P2RX5: variants seen among roughly 807,000 people sequenced by gnomAD.
The protein encoded by P2RX5 is purinergic receptor P2X 5.
Under a neutral mutation model 54.1 loss-of-function variants are expected in P2RX5, and 46 were observed. The observed-to-expected ratio is 0.85, with a 90% CI of 0.67 to 1.09. The LOEUF is 1.09. Ranked by LOEUF, P2RX5 falls within the 50% of genes least tolerant of loss-of-function variation. The probability of loss-of-function intolerance (pLI) is 0.00; values close to 1 mark genes in which losing one functional copy is unlikely to be tolerated. For missense variants in P2RX5, 566 were observed against 549.8 expected, an observed-to-expected ratio of 1.03 and a Z score of -0.29; for synonymous variants, 226 against 226.4, an observed-to-expected ratio of 1.00 and a Z score of 0.02.
In P2RX5 at chr17:3,690,128, C is replaced by T. The variant is rs147009070; in HGVS notation, c.556G>A (p.Glu186Lys). ...TTCTTTATGAAAATGGTGAAGTCTT[C>T]GGCCTCCTTCAGGAATGGCTCCCTG... Reference protein sequence around the residue: ...RPEEPFLKEAEDFTIFIKNHI... With the variant: ...RPEEPFLKEAKDFTIFIKNHI... Residue 186 changes from glutamate to lysine, a missense_variant, in exon 6 of 12, where the codon GAA (glutamate) becomes AAA (lysine). Physicochemically the swap from Glu to Lys is moderately conservative, Grantham distance 56. Coordinates refer to ENST00000225328, the MANE Select transcript of P2RX5 (RefSeq NM_002561.4). The T allele has an allele frequency of 6.6e-4, 1,071 of 1,614,168 alleles. 1 individual carries two copies. Among genetic ancestry groups the T allele is most frequent in the Non-Finnish European group, 8.3e-4 (978 of 1,179,994 alleles).
chr17:3,680,576 C>T (rs2050237979), intron 10 of P2RX5, among the ~76,000 whole-genome samples: 1 of 142,920 alleles, frequency 7.0e-6, no homozygotes, highest in Non-Finnish European at 1.5e-5. Context: ...CTTCCTCCAC[C>T]CGGCTTCCTC....
At position 3,691,715 on chromosome 17, in the gene P2RX5, C is replaced by A; in HGVS notation, c.217G>T (p.Val73Leu). 4 of 1,614,216 alleles carry A rather than the reference C, an allele frequency of 2.5e-6. No homozygotes were observed. Among genetic ancestry groups the A allele is most frequent in the Non-Finnish European group, 3.4e-6 (4 of 1,180,036 alleles). The change falls in exon 2 of 12, where the codon GTG becomes TTG. Residue 73 changes from valine (V) to leucine (L), a missense_variant. Coordinates refer to ENST00000225328, the MANE Select transcript of P2RX5 (RefSeq NM_002561.4). ...AGATCCGAGGTGTTGGTGAAGGCCA[C>A]GCCCTTGACTTTGGTGATGACAGCA... Reference protein sequence around the residue: ...QSAVITKVKGVAFTNTSDLGQ... With the variant: ...QSAVITKVKGLAFTNTSDLGQ...
the P2RX5 span, among the ~76,000 whole-genome samples, chr17:3,715,808 G>T: frequency 6.6e-6 from 1 of 152,130 alleles, no homozygotes; most frequent in African/African-American, 2.4e-5. Flanking sequence ...GCTGCAGTGA[G>T]CCCTTAACTG....
chr17:3,714,627 C>T, the P2RX5 span: 23,266 of 429,738 alleles, frequency 0.054, 4,653 homozygotes, highest in African/African-American at 0.43. Flanking sequence ...AAAGGCACTA[C>T]TGCAAAGAAA....
chr17:3,711,315 A>C, the P2RX5 span, among the ~76,000 whole-genome samples: 1 of 147,258 alleles, frequency 6.8e-6, no homozygotes, highest in African/African-American at 2.6e-5. Flanking sequence ...CGTTATTTAG[A>C]CCTCATTCAA....
upstream of P2RX5, among the ~76,000 whole-genome samples, chr17:3,697,213 G>A (rs2050777174): frequency 6.6e-6 from 1 of 152,164 alleles, no homozygotes; most frequent in South Asian, 2.1e-4. Context: ...AATATGCCTG[G>A]AGAGTGCGCA....
the P2RX5 span, among the ~76,000 whole-genome samples, chr17:3,715,188 C>T: frequency 6.6e-6 from 1 of 152,172 alleles, no homozygotes; most frequent in Non-Finnish European, 1.5e-5. Flanking sequence ...GCAGCTGAAC[C>T]TTTTTAACTT....
At chr17:3,685,331 A>T (rs1221822627) in intron 9 of P2RX5, among the ~76,000 whole-genome samples, 1 of 152,146 alleles carries the variant, frequency 6.6e-6, no homozygotes, top group African/African-American at 2.4e-5. Flanking sequence ...CTGCTACCTG[A>T]GGACAGCTGG....
At chr17:3,708,654 C>G in the P2RX5 span, among the ~76,000 whole-genome samples, 1 of 152,098 alleles carries the variant, frequency 6.6e-6, no homozygotes, top group Non-Finnish European at 1.5e-5. Context: ...CACTGCAGAG[C>G]AATTACAAAA....
chr17:3,710,783 T>G, the P2RX5 span, among the ~76,000 whole-genome samples: 1 of 151,764 alleles, frequency 6.6e-6, no homozygotes, highest in South Asian at 2.1e-4. Flanking sequence ...CAAAAGTTAG[T>G]TGGGCGTGGC....
intron 6 of P2RX5, among the ~76,000 whole-genome samples, 173 bp downstream of exon 6, chr17:3,689,897 C>G (rs553747280): frequency 3.3e-5 from 5 of 152,032 alleles, no homozygotes; most frequent in Non-Finnish European, 7.4e-5. Context: ...CACAAACGCA[C>G]GCACACATGC....
At chr17:3,695,794 C>G in intron 1 of P2RX5, 75 bp downstream of exon 1, 1 of 1,574,154 alleles carries the variant, frequency 6.4e-7, no homozygotes, top group Non-Finnish European at 8.7e-7. Flanking sequence ...AATTCCAGGA[C>G]CCTGGAGAAG....
chr17:3,699,096 T>TATATATA (rs1450236766), upstream of P2RX5, among the ~76,000 whole-genome samples: 23 of 16,364 alleles, frequency 1.4e-3, no homozygotes, highest in Admixed American at 0.028. Context: ...CACACACACC[T>TATATATA]ATATATATAA....
At chr17:3,705,782 T>C in the P2RX5 span, among the ~76,000 whole-genome samples, 1 of 152,220 alleles carries the variant, frequency 6.6e-6, no homozygotes, top group South Asian at 2.1e-4. Context: ...TTTTTGTGTG[T>C]ATATTAATAG....
the P2RX5 span, among the ~76,000 whole-genome samples, chr17:3,712,028 C>T: frequency 6.6e-6 from 1 of 152,072 alleles, no homozygotes; most frequent in Non-Finnish European, 1.5e-5. Flanking sequence ...TTCCCAGTGA[C>T]GATGGAAGTG....
In P2RX5 at chr17:3,676,666, C is replaced by T. The variant is rs924442048; in HGVS notation, c.1260-2789G>A. 3.3e-5 allele frequency: 30 copies of T among 908,908 alleles called. No individual in the cohort carries two copies. The African/African-American group carries it at 5.3e-4, about 16-fold the overall frequency. 56.3% of individuals were successfully genotyped at this position (908,908 alleles called of 1,614,324 possible). ...CTTAAATGTCACTGTGCACACAGAT[C>T]ACCTTGGAATCTTGTTGAAACACAG... On this transcript the variant is annotated intron_variant, in intron 11 of 11. Coordinates refer to ENST00000225328, the MANE Select transcript of P2RX5 (RefSeq NM_002561.4).
intron 11 of P2RX5, among the ~76,000 whole-genome samples, chr17:3,678,330 GC>G (rs1333462743): frequency 8.5e-5 from 13 of 152,266 alleles, no homozygotes; most frequent in African/African-American, 3.1e-4. Flanking sequence ...CTCTGGAGTT[GC>G]CCCGGCAAGG....
the P2RX5 span, among the ~76,000 whole-genome samples, chr17:3,701,757 T>TG: frequency 9.4e-3 from 1,112 of 118,386 alleles, 14 homozygotes; most frequent in South Asian, 0.024. Flanking sequence ...TTTTTTTTTT[T>TG]TTTGTTTTTT....
chr17:3,690,372 A>G, intron 5 of P2RX5, 55 bp downstream of exon 5: 3 of 1,387,108 alleles, frequency 2.2e-6, no homozygotes, highest in Non-Finnish European at 3.0e-6. Flanking sequence ...TCAGGCTGGG[A>G]CCCACCGCAC....
Sources: gnomAD v4.1 joint callset for allele counts (sites outside exome capture counted in the v4.1 genomes callset) on GRCh38, gnomAD v4.1.1 for gene constraint, MANE v1.5 for transcripts, NCBI Gene and HGNC (gene_info 2026-07-23, HGNC 2026-07-21) for gene names.